Variants in GGACT observed in about 807,000 individuals in gnomAD.
GGACT encodes the protein gamma-glutamylaminecyclotransferase.
For synonymous variants in GGACT, 118 were observed against 115.3 expected (o/e 1.02, Z -0.15); for missense variants, 241 against 233.2 (o/e 1.03, Z -0.22).
intron 1 of GGACT, among the ~76,000 whole-genome samples, chr13:100,588,102 A>G (rs1166689086): frequency 2.0e-5 from 3 of 152,220 alleles, no homozygotes; most frequent in African/African-American, 7.2e-5. Flanking sequence ...TGGAGTTAAG[A>G]AGCTGTGTTC....
At chr13:100,551,011 G>A (rs2088657897) in intron 2 of GGACT, among the ~76,000 whole-genome samples, 1 of 152,136 alleles carries the variant, frequency 6.6e-6, no homozygotes, top group Admixed American at 6.5e-5. Context: ...AAGGCCGGGC[G>A]CGGTGGCTCA....
chr13:100,561,383 T>C (rs2088758561), intron 2 of GGACT, among the ~76,000 whole-genome samples: 1 of 152,218 alleles, frequency 6.6e-6, no homozygotes. Flanking sequence ...TATAGATCCA[T>C]AGCAAACAAA....
intron 2 of GGACT, among the ~76,000 whole-genome samples, chr13:100,572,765 T>A (rs1875125101): frequency 6.6e-6 from 1 of 152,126 alleles, no homozygotes; most frequent in Non-Finnish European, 1.5e-5. Flanking sequence ...AAGCTTTTCA[T>A]AAGAATGCAG....
rs770148620 is a variant in GGACT, at chr13:100,530,200, A to C, written c.*1930T>G. ...TAACCTTTCAGTCATCACCCAATTT[A>C]ATTAGCCATTTGCATGATGCTTTCA... On this transcript the variant is annotated 3_prime_UTR_variant, in exon 3 of 3. Coordinates refer to ENST00000683975, the MANE Select transcript of GGACT (RefSeq NM_001195087.2). 130 of 1,524,188 alleles carry C rather than the reference A, an allele frequency of 8.5e-5. 1 individual carries two copies. Among genetic ancestry groups the C allele is most frequent in the Non-Finnish European group, 9.6e-5 (105 of 1,098,474 alleles). 94.4% of individuals were successfully genotyped at this position (1,524,188 alleles called of 1,614,324 possible).
At chr13:100,582,281 G>C (rs1303507010) in intron 2 of GGACT, among the ~76,000 whole-genome samples, 1 of 152,108 alleles carries the variant, frequency 6.6e-6, no homozygotes, top group Non-Finnish European at 1.5e-5. Context: ...CAAAACTTAT[G>C]ATGACCTACA....
chr13:100,577,309 G>A (rs1207054718), intron 2 of GGACT, among the ~76,000 whole-genome samples: 1 of 151,830 alleles, frequency 6.6e-6, no homozygotes, highest in Non-Finnish European at 1.5e-5. Context: ...CCAGCTACTC[G>A]GGAGGCTAAG....
intron 2 of GGACT, among the ~76,000 whole-genome samples, chr13:100,542,754 CAG>C (rs1482585096): frequency 6.6e-6 from 1 of 152,144 alleles, no homozygotes; most frequent in Non-Finnish European, 1.5e-5. Flanking sequence ...GGAACAGGCT[CAG>C]AGAGTCTCCA....
intron 2 of GGACT, among the ~76,000 whole-genome samples, chr13:100,563,973 A>AG (rs1481815444): frequency 6.6e-6 from 1 of 151,834 alleles, no homozygotes; most frequent in Non-Finnish European, 1.5e-5. Flanking sequence ...ACCAAAAGAC[A>AG]GGGACTGGGT....
chr13:100,585,359 T>C (rs1317300011), intron 1 of GGACT, among the ~76,000 whole-genome samples: 5 of 152,176 alleles, frequency 3.3e-5, no homozygotes, highest in Non-Finnish European at 7.4e-5. Context: ...CCTGGCTACT[T>C]CTGCATGACG....
chr13:100,586,292 G>A (rs938911437), intron 1 of GGACT, among the ~76,000 whole-genome samples: 2 of 152,144 alleles, frequency 1.3e-5, no homozygotes, highest in African/African-American at 2.4e-5. Flanking sequence ...AAAAAAAGAT[G>A]AAGTGGATAT....
intron 1 of GGACT, among the ~76,000 whole-genome samples, chr13:100,587,926 T>C (rs939838854): frequency 2.0e-5 from 3 of 152,134 alleles, no homozygotes; most frequent in South Asian, 4.2e-4. Flanking sequence ...CCCGGGAGAC[T>C]GAGGCAGGAG....
chr13:100,574,147 A>ATGTTTTGTC (rs1479683964), intron 2 of GGACT, among the ~76,000 whole-genome samples: 7 of 152,238 alleles, frequency 4.6e-5, no homozygotes, highest in African/African-American at 1.7e-4. Context: ...GTGTCCATCA[A>ATGTTTTGTC]CAATGGATTG....
intron 2 of GGACT, chr13:100,537,845 C>G (rs2088512188): frequency 6.6e-6 from 1 of 152,320 alleles, no homozygotes; most frequent in Non-Finnish European, 1.5e-5. Flanking sequence ...AGCAGGTACT[C>G]AGCACGCAAT....
intron 2 of GGACT, among the ~76,000 whole-genome samples, chr13:100,566,138 A>G (rs1352227521): frequency 6.6e-6 from 1 of 152,234 alleles, no homozygotes; most frequent in African/African-American, 2.4e-5. Flanking sequence ...TGCAGCCAGC[A>G]CCTGAGTGCA....
intron 2 of GGACT, among the ~76,000 whole-genome samples, chr13:100,577,425 AT>A (rs1170216086): frequency 2.7e-5 from 4 of 147,878 alleles, no homozygotes; most frequent in African/African-American, 1.0e-4. Context: ...TCAAAAATAA[AT>A]AAATAAATAA....
At chr13:100,544,130 C>G (rs1297200519) in intron 2 of GGACT, among the ~76,000 whole-genome samples, 3 of 152,200 alleles carry the variant, frequency 2.0e-5, no homozygotes, top group African/African-American at 7.2e-5. Context: ...TTTATGGAAA[C>G]CTTCTTGTGT....
intron 2 of GGACT, chr13:100,538,166 C>T (rs1043216430): frequency 2.0e-5 from 3 of 152,194 alleles, no homozygotes; most frequent in East Asian, 1.9e-4. Context: ...GGCTCTGGCC[C>T]GAAGCTGGTG....
chr13:100,537,803 C>T (rs1015635705), intron 2 of GGACT: 1 of 152,232 alleles, frequency 6.6e-6, no homozygotes, highest in Non-Finnish European at 1.5e-5. Flanking sequence ...GCAGCACAGA[C>T]TTTGGAACAG....
At chr13:100,533,057 G>A (rs1281363618) in intron 2 of GGACT, among the ~76,000 whole-genome samples, 1 of 152,202 alleles carries the variant, frequency 6.6e-6, no homozygotes, top group Non-Finnish European at 1.5e-5. Flanking sequence ...GGGCAGCCCT[G>A]CCTCGCCTGC....
Sources: gnomAD v4.1 joint callset for allele counts (sites outside exome capture counted in the v4.1 genomes callset) on GRCh38, gnomAD v4.1.1 for gene constraint, MANE v1.5 for transcripts, NCBI Gene and HGNC (gene_info 2026-07-23, HGNC 2026-07-21) for gene names.